Variants in KPNA7 observed in about 807,000 individuals in gnomAD.
The protein encoded by KPNA7 is karyopherin subunit alpha 7.
KPNA7 carries 54 observed loss-of-function variants against 53.7 expected under a neutral mutation model. That is an observed-to-expected ratio of 1.01 (90% CI 0.81 to 1.26). KPNA7 has a LOEUF of 1.26. KPNA7 is among the 50% of genes most tolerant of loss of function. The pLI, the probability that KPNA7 is intolerant of heterozygous loss-of-function variation, is 0.00. For synonymous variants in KPNA7, 276 were observed against 259.3 expected (o/e 1.06, Z -0.62); for missense variants, 640 against 644.5 (o/e 0.99, Z 0.07).
chr7:99,176,495 T>C (rs1798913736), intron 10 of KPNA7, among the ~76,000 whole-genome samples: 1 of 152,012 alleles, frequency 6.6e-6, no homozygotes, highest in African/African-American at 2.4e-5. Context: ...AAATGGTATA[T>C]CTACTGTGGA....
Position 99,173,687 on chromosome 7 carries a change from T to C in KPNA7, c.*21A>G. On this transcript the variant is annotated 3_prime_UTR_variant, in exon 11 of 11. Transcript: ENST00000327442. ...TTATCCTTTAGCACTGGGTTGTTGG[T>C]TTAGGAGGTAGGGAGCTTGGCTATT... The C allele has an allele frequency of 1.3e-6, 2 of 1,495,544 alleles. No homozygotes were observed. The highest frequency in any genetic ancestry group is 1.8e-6 in the Non-Finnish European group (2 of 1,096,368). The allele number at this position is 1,495,544 out of a possible 1,614,324, so 92.6% of individuals were successfully genotyped here. A position where few individuals can be genotyped will look rare whatever the true frequency, so the allele number is the denominator to read the frequency against.
chr7:99,174,352 C>T (rs776070772), intron 10 of KPNA7, among the ~76,000 whole-genome samples: 2 of 152,116 alleles, frequency 1.3e-5, no homozygotes, highest in South Asian at 2.1e-4. Context: ...TTCTGCATTA[C>T]GATGAGCTGT....
rs562278139 is a variant in KPNA7 at position 99,187,487 on chromosome 7, CAAT to C, written c.900+810_900+812del. ...CACTGCATCCTCAAACTTCTGGGCT[CAAT>C]AAATTCTCCCAACTCTGCCTCCCCA... On this transcript the variant is annotated intron_variant, in intron 7 of 10. Coordinates refer to ENST00000327442, the MANE Select transcript of KPNA7 (RefSeq NM_001145715.3). Among the ~76,000 whole-genome samples, 887 of 150,936 alleles carry C rather than the reference CAAT, an allele frequency of 5.9e-3. 7 individuals are homozygous for C. Among genetic ancestry groups the C allele is most frequent in the Non-Finnish European group, 9.3e-3 (628 of 67,784 alleles).
downstream of KPNA7, among the ~76,000 whole-genome samples, chr7:99,169,833 G>C (rs1055015683): frequency 2.6e-5 from 4 of 151,830 alleles, no homozygotes; most frequent in Non-Finnish European, 5.9e-5. Flanking sequence ...TTCAGGTCAG[G>C]GATTCAAGAC....
intron 2 of KPNA7, among the ~76,000 whole-genome samples, 157 bp from the exon 3 acceptor site, chr7:99,203,397 T>A (rs1320653975): frequency 6.6e-6 from 1 of 152,228 alleles, no homozygotes; most frequent in Non-Finnish European, 1.5e-5. Context: ...CAGCTCTGTT[T>A]ACCTCCTCTT....
chr7:99,159,010 G>A, the KPNA7 span, among the ~76,000 whole-genome samples: 1 of 151,870 alleles, frequency 6.6e-6, no homozygotes, highest in Non-Finnish European at 1.5e-5. Context: ...GACTACAGGT[G>A]CACACCACGA....
At chr7:99,208,276 GAC>G (rs1790922828), upstream of KPNA7, among the ~76,000 whole-genome samples, 1 of 150,900 alleles carries the variant, frequency 6.6e-6, no homozygotes, top group Non-Finnish European at 1.5e-5. Context: ...TATTTTTTGA[GAC>G]AGAGTCTCAC....
the KPNA7 span, among the ~76,000 whole-genome samples, chr7:99,146,870 C>G: frequency 6.6e-6 from 1 of 151,932 alleles, no homozygotes; most frequent in African/African-American, 2.4e-5. Flanking sequence ...TAACACAAAG[C>G]CTATTTTACG....
At chr7:99,166,329 TTAC>T in the KPNA7 span, among the ~76,000 whole-genome samples, 2 of 151,920 alleles carry the variant, frequency 1.3e-5, no homozygotes, top group African/African-American at 2.4e-5. Flanking sequence ...TCCTTCCTCG[TTAC>T]TTTTTTTGAG....
At chr7:99,180,936 C>T (rs1167071036) in intron 9 of KPNA7, among the ~76,000 whole-genome samples, 3 of 36,946 alleles carry the variant, frequency 8.1e-5, no homozygotes, top group East Asian at 1.1e-3. Flanking sequence ...TCTCTCTCTC[C>T]CCGTCTGTGT....
chr7:99,200,022 C>G (rs887748265), intron 3 of KPNA7, among the ~76,000 whole-genome samples: 1 of 152,124 alleles, frequency 6.6e-6, no homozygotes, highest in Non-Finnish European at 1.5e-5. Context: ...CCTGCTTCAG[C>G]CTTCCTAATA....
chr7:99,189,463 G>T (rs144348267), intron 6 of KPNA7, among the ~76,000 whole-genome samples: 2 of 152,004 alleles, frequency 1.3e-5, no homozygotes, highest in Middle Eastern at 3.4e-3. Context: ...AATCATCCCT[G>T]CCCCCAAATC....
the KPNA7 span, among the ~76,000 whole-genome samples, chr7:99,147,664 G>A: frequency 3.9e-5 from 6 of 152,202 alleles, no homozygotes; most frequent in South Asian, 4.1e-4. Flanking sequence ...AGTGGCAGGC[G>A]CCTGTAATCC....
rs1206715781 is a variant in KPNA7 at position 99,196,733 on chromosome 7, CA to C, written c.202-568del. 2.6e-5 allele frequency among the ~76,000 whole-genome samples: 4 copies of C among 152,084 alleles called. 1 individual carries two copies. Among genetic ancestry groups the C allele is most frequent in the Non-Finnish European group, 1.5e-5 (1 of 68,010 alleles). ...TCATTGTGAAAAACCAACAGCCTCC[CA>C]ACCACCAGAAGAGGCAAAATAGGTA... On this transcript the variant is annotated intron_variant, in intron 3 of 10. Coordinates refer to ENST00000327442, the MANE Select transcript of KPNA7 (RefSeq NM_001145715.3).
chr7:99,160,083 G>A, the KPNA7 span, among the ~76,000 whole-genome samples: 1 of 136,502 alleles, frequency 7.3e-6, no homozygotes, highest in East Asian at 2.2e-4. Context: ...GGAGTGCAGT[G>A]GTACGATCCT....
the KPNA7 span, among the ~76,000 whole-genome samples, chr7:99,162,468 G>C: frequency 5.3e-5 from 8 of 152,094 alleles, no homozygotes; most frequent in African/African-American, 1.7e-4. Context: ...CCTCTTTGTT[G>C]CCTCACCAGT....
At chr7:99,219,015 G>A (rs987136011) in intron 1 of KPNA7, among the ~76,000 whole-genome samples, 1 of 152,228 alleles carries the variant, frequency 6.6e-6, no homozygotes, top group East Asian at 1.9e-4. Flanking sequence ...TCAGCTGATG[G>A]CAGGTGTTTC....
At chr7:99,192,105 G>C (rs1789987586) in intron 6 of KPNA7, among the ~76,000 whole-genome samples, 1 of 152,188 alleles carries the variant, frequency 6.6e-6, no homozygotes, top group African/African-American at 2.4e-5. Context: ...CCCATGAACA[G>C]AACTGGTGAG....
the KPNA7 span, among the ~76,000 whole-genome samples, chr7:99,161,317 A>G: frequency 6.6e-6 from 1 of 151,854 alleles, no homozygotes; most frequent in Admixed American, 6.6e-5. Context: ...TTGGAGATTC[A>G]GGAAGCCCAA....
Sources: allele counts gnomAD v4.1 joint callset (sites outside exome capture counted in the v4.1 genomes callset), GRCh38; gene constraint gnomAD v4.1.1; transcripts MANE v1.5; gene names NCBI Gene and HGNC (gene_info 2026-07-23, HGNC 2026-07-21).